Variants in STMND1 observed in about 807,000 individuals in gnomAD.
The protein encoded by STMND1 is stathmin domain containing 1, also known as stathmin domain-containing protein 1.
STMND1 carries 17 observed loss-of-function variants against 23.0 expected under a neutral mutation model. The observed-to-expected ratio is 0.74, with a 90% CI of 0.51 to 1.11. STMND1 has a LOEUF of 1.11. STMND1 is among the 50% of genes least tolerant of loss of function. The pLI, the probability that STMND1 is intolerant of heterozygous loss-of-function variation, is 0.00. For synonymous variants in STMND1, 114 were observed against 119.9 expected (o/e 0.95, Z 0.32); for missense variants, 305 against 329.1 (o/e 0.93, Z 0.57).
At chr6:17,126,812 A>G (rs1470075166) in intron 3 of STMND1, among the ~76,000 whole-genome samples, 1 of 152,220 alleles carries the variant, frequency 6.6e-6, no homozygotes, top group East Asian at 1.9e-4. Context: ...CAAAATGTCA[A>G]TAAATGTTTT....
At chr6:17,122,139 G>C (rs550670247) in intron 3 of STMND1, among the ~76,000 whole-genome samples, 1 of 152,110 alleles carries the variant, frequency 6.6e-6, no homozygotes, top group East Asian at 1.9e-4. Flanking sequence ...GGGATTACAG[G>C]TGTGAGCCAC....
Position 17,130,894 on chromosome 6 carries a change from G to C in STMND1, c.*13G>C. On this transcript the variant is annotated 3_prime_UTR_variant, in exon 5 of 5. Coordinates refer to ENST00000536551, the MANE Select transcript of STMND1 (RefSeq NM_001190766.2). ...CATAGTCTACTAAGCCATTTTTTGT[G>C]AATTTCATAAGAAAGCATTCATTCT... 1 of 1,492,738 alleles carries C rather than the reference G, an allele frequency of 6.7e-7. No homozygotes were observed. Among genetic ancestry groups the C allele is most frequent in the Non-Finnish European group, 8.9e-7 (1 of 1,122,756 alleles). 92.5% of individuals were successfully genotyped at this position (1,492,738 alleles called of 1,614,324 possible).
At chr6:17,110,356 C>G (rs1761080763) in intron 1 of STMND1, 1 of 158,822 alleles carries the variant, frequency 6.3e-6, no homozygotes, top group Non-Finnish European at 1.4e-5. Flanking sequence ...CCAGCCTGGG[C>G]AACATATGGA....
chr6:17,118,232 G>A (rs544389220), intron 2 of STMND1, among the ~76,000 whole-genome samples: 1 of 152,094 alleles, frequency 6.6e-6, no homozygotes, highest in South Asian at 2.1e-4. Context: ...TTACACTTAT[G>A]CTTATGAAGA....
chr6:17,125,319 G>A (rs1005822368), intron 3 of STMND1, among the ~76,000 whole-genome samples: 3 of 152,128 alleles, frequency 2.0e-5, no homozygotes, highest in Admixed American at 1.3e-4. Context: ...TACACATGTC[G>A]ATATGTATAT....
chr6:17,108,727 C>A (rs1761058580), intron 1 of STMND1, among the ~76,000 whole-genome samples: 1 of 136,976 alleles, frequency 7.3e-6, no homozygotes, highest in Non-Finnish European at 1.5e-5. Context: ...GAGATGGAGT[C>A]TTGCTGTGGC....
At chr6:17,112,282 G>A (rs138859296) in intron 1 of STMND1, among the ~76,000 whole-genome samples, 72 of 152,194 alleles carry the variant, frequency 4.7e-4, no homozygotes, top group African/African-American at 1.7e-3. Context: ...ATGTTGCAAC[G>A]TATGTCAGTG....
intron 1 of STMND1, among the ~76,000 whole-genome samples, chr6:17,105,539 G>C (rs753683435): frequency 2.6e-5 from 4 of 152,066 alleles, no homozygotes; most frequent in Non-Finnish European, 4.4e-5. Flanking sequence ...CACCTATTTG[G>C]GGGGCTGAGG....
chr6:17,119,501 C>T (rs1761201785), intron 2 of STMND1, among the ~76,000 whole-genome samples: 1 of 152,028 alleles, frequency 6.6e-6, no homozygotes, highest in South Asian at 2.1e-4. Flanking sequence ...GTCAGGAGTT[C>T]GAGACCAGCC....
At chr6:17,117,292 C>G (rs1441688339) in intron 2 of STMND1, among the ~76,000 whole-genome samples, 1 of 152,152 alleles carries the variant, frequency 6.6e-6, no homozygotes, top group African/African-American at 2.4e-5. Context: ...TGGCCTCGAA[C>G]TCCTGACTTC....
At chr6:17,110,827 C>G (rs983854059) in intron 1 of STMND1, 5 of 455,780 alleles carry the variant, frequency 1.1e-5, no homozygotes, top group Non-Finnish European at 2.2e-5. Context: ...GTGGAAGATG[C>G]ACGTGTTCTT....
chr6:17,122,145 G>T (rs1761242966), intron 3 of STMND1, among the ~76,000 whole-genome samples: 2 of 152,142 alleles, frequency 1.3e-5, no homozygotes, highest in Non-Finnish European at 2.9e-5. Context: ...ACAGGTGTGA[G>T]CCACTGCATC....
chr6:17,106,953 T>C (rs1252923129), intron 1 of STMND1, among the ~76,000 whole-genome samples: 1 of 152,162 alleles, frequency 6.6e-6, no homozygotes, highest in Non-Finnish European at 1.5e-5. Context: ...AACTCAAAAT[T>C]CCTTGCCTGT....
At chr6:17,112,755 C>T (rs571533148) in intron 1 of STMND1, among the ~76,000 whole-genome samples, 69 of 151,726 alleles carry the variant, frequency 4.5e-4, no homozygotes, top group African/African-American at 1.5e-3. Flanking sequence ...CCAGCCTGGG[C>T]GACAGAGGGA....
chr6:17,128,092 A>G (rs1761333496), intron 3 of STMND1: 1 of 152,296 alleles, frequency 6.6e-6, no homozygotes, highest in African/African-American at 2.4e-5. Flanking sequence ...TATCAGTTAT[A>G]TTTTTTATAA....
chr6:17,123,570 T>C (rs1251711694), intron 3 of STMND1, among the ~76,000 whole-genome samples: 1 of 152,156 alleles, frequency 6.6e-6, no homozygotes, highest in Admixed American at 6.5e-5. Context: ...GTGGCCCTGC[T>C]TTCACACTTC....
At chr6:17,106,090 C>A (rs942977837) in intron 1 of STMND1, among the ~76,000 whole-genome samples, 1 of 152,082 alleles carries the variant, frequency 6.6e-6, no homozygotes. Context: ...TAGCTCCATG[C>A]CTTTGCACCT....
chr6:17,113,208 G>T (rs1176537913), intron 1 of STMND1, among the ~76,000 whole-genome samples: 2 of 152,232 alleles, frequency 1.3e-5, no homozygotes, highest in African/African-American at 2.4e-5. Flanking sequence ...GAAAGAACCA[G>T]TAGGATAGAC....
At chr6:17,118,429 C>A (rs1358765155) in intron 2 of STMND1, among the ~76,000 whole-genome samples, 1 of 151,600 alleles carries the variant, frequency 6.6e-6, no homozygotes, top group African/African-American at 2.4e-5. Context: ...AAATTTACTA[C>A]AGTAACTATC....
Sources: gnomAD v4.1 joint callset for allele counts (sites outside exome capture counted in the v4.1 genomes callset) on GRCh38, gnomAD v4.1.1 for gene constraint, MANE v1.5 for transcripts, NCBI Gene and HGNC (gene_info 2026-07-23, HGNC 2026-07-21) for gene names.